PABPC1: variants seen among roughly 807,000 people sequenced by gnomAD.
PABPC1 encodes poly(A) binding protein cytoplasmic 1.
A neutral mutation model predicts 74.0 loss-of-function variants in PABPC1; 4 were observed. That is an observed-to-expected ratio of 0.05 (90% CI 0.03 to 0.12). The LOEUF is 0.12. Ranked by LOEUF, PABPC1 falls within the 10% of genes least tolerant of loss-of-function variation. PABPC1 has a pLI of 1.00. For missense variants in PABPC1, 271 were observed against 821.1 expected, an observed-to-expected ratio of 0.33 and a Z score of 8.19; for synonymous variants, 227 against 264.1, an observed-to-expected ratio of 0.86 and a Z score of 1.36.
At chr8:100,719,565 C>A (rs73700220) in intron 1 of PABPC1, among the ~76,000 whole-genome samples, 1 of 152,034 alleles carries the variant, frequency 6.6e-6, no homozygotes, top group African/African-American at 2.4e-5. Context: ...ATTGTACATA[C>A]AGAAACTAGA....
chr8:100,704,877 C>G (rs1392101252), intron 13 of PABPC1, 49 bp downstream of exon 13: 1 of 1,596,478 alleles, frequency 6.3e-7, no homozygotes. Context: ...CCATAAAAAG[C>G]CACGTAATAA....
intron 7 of PABPC1, among the ~76,000 whole-genome samples, chr8:100,711,759 C>T (rs1041920548): frequency 3.9e-5 from 6 of 152,182 alleles, no homozygotes; most frequent in East Asian, 1.9e-4. Flanking sequence ...TCAGCCACAG[C>T]GTCATTCCAG....
Position 100,705,552 on chromosome 8 carries a change from T to C in PABPC1, c.1687+37A>G, listed in dbSNP as rs1194356296. Reference sequence around the variant, plus strand: ...CCTAAGTGATTCCTATATTTTCTAGTCTTTCTGAACTGACAAGGTGGGACA... The same window carrying C: ...CCTAAGTGATTCCTATATTTTCTAGCCTTTCTGAACTGACAAGGTGGGACA... On this transcript the variant is annotated intron_variant, in intron 12 of 14. Transcript: ENST00000318607. 3.9e-6 allele frequency: 5 copies of C among 1,286,868 alleles called. No individual in the cohort carries two copies. In the Admixed American group the frequency reaches 8.6e-5, roughly 22 times the overall value. The allele number at this position is 1,286,868 out of a possible 1,614,324, so 79.7% of individuals were successfully genotyped here.
chr8:100,718,322 T>C (rs747469080), intron 1 of PABPC1, 42 bp from the exon 2 acceptor site: 2 of 1,535,942 alleles, frequency 1.3e-6, no homozygotes, highest in East Asian at 2.3e-5. Context: ...ACTTCAAAAT[T>C]TTTGCTGGCT....
chr8:100,715,842 G>A (rs1810655544), intron 3 of PABPC1, among the ~76,000 whole-genome samples: 1 of 151,800 alleles, frequency 6.6e-6, no homozygotes, highest in African/African-American at 2.4e-5. Context: ...CTCTTCTCTA[G>A]CTAACCTAGG....
rs1019531225 is a variant in PABPC1, at chr8:100,709,289, A to G, written c.1246-66T>C. ...AAAAGCAAATAATGCAATAAATTATATGTACTTTTTCAAAACATTTACCAG... is the reference window on the plus strand; with the variant it reads ...AAAAGCAAATAATGCAATAAATTATGTGTACTTTTTCAAAACATTTACCAG... On this transcript the variant is annotated intron_variant, in intron 8 of 14. Transcript: ENST00000318607. 2.2e-5 allele frequency: 33 copies of G among 1,501,646 alleles called. No individual in the cohort carries two copies. The East Asian group carries it at 7.5e-4, about 34-fold the overall frequency. The allele number at this position is 1,501,646 out of a possible 1,614,324, so 93.0% of individuals were successfully genotyped here.
rs7829465 is a variant in PABPC1 at position 100,712,866 on chromosome 8, A to G, written c.739-77T>C. On this transcript the variant is annotated intron_variant, in intron 5 of 14. Coordinates refer to ENST00000318607, the MANE Select transcript of PABPC1 (RefSeq NM_002568.4). Reference sequence around the variant, plus strand: ...AGTTCATTTCCTTAACAGTTAAGACAAATTTGTTAAGTCACAAAAGCTAAA... The same window carrying G: ...AGTTCATTTCCTTAACAGTTAAGACGAATTTGTTAAGTCACAAAAGCTAAA... The G allele has an allele frequency of 9.7e-3, 14,115 of 1,451,306 alleles. 1,058 individuals are homozygous for G. The African/African-American group carries it at 0.17, about 18-fold the overall frequency. The allele number at this position is 1,451,306 out of a possible 1,614,324, so 89.9% of individuals were successfully genotyped here. A position where few individuals can be genotyped will look rare whatever the true frequency, so the allele number is the denominator to read the frequency against.
chr8:100,709,404 T>A (rs1318855671), intron 8 of PABPC1, 55 bp downstream of exon 8: 8 of 1,601,368 alleles, frequency 5.0e-6, no homozygotes, highest in Non-Finnish European at 6.8e-6. Flanking sequence ...CAAAAAACAC[T>A]AGAAATGACC....
At chr8:100,705,739 C>T in intron 11 of PABPC1, 66 bp from the exon 12 acceptor site, 1 of 984,646 alleles carries the variant, frequency 1.0e-6, no homozygotes, top group South Asian at 1.4e-5. Flanking sequence ...AAATAGTCAT[C>T]AATGGACATC....
intron 7 of PABPC1, among the ~76,000 whole-genome samples, chr8:100,711,679 CT>C (rs1810530867): frequency 6.6e-6 from 1 of 152,386 alleles, no homozygotes; most frequent in South Asian, 2.1e-4. Context: ...ATTCAACCAC[CT>C]TTCCCCTAAC....
At chr8:100,720,490 G>A (rs781662738) in intron 1 of PABPC1, among the ~76,000 whole-genome samples, 1 of 152,120 alleles carries the variant, frequency 6.6e-6, no homozygotes, top group Non-Finnish European at 1.5e-5. Flanking sequence ...TTACACTAAA[G>A]TAACATTTTA....
At chr8:100,718,682 G>A (rs1275630216) in intron 1 of PABPC1, among the ~76,000 whole-genome samples, 1 of 152,192 alleles carries the variant, frequency 6.6e-6, no homozygotes, top group Non-Finnish European at 1.5e-5. Context: ...TCTACAAGCT[G>A]GAAGTAGTTT....
At chr8:100,710,188 TTAAAA>T (rs1416960986) in intron 7 of PABPC1, among the ~76,000 whole-genome samples, 2 of 152,168 alleles carry the variant, frequency 1.3e-5, no homozygotes, top group African/African-American at 4.8e-5. Flanking sequence ...TACCCACATC[TTAAAA>T]TAAAAGTTTT....
Position 100,718,660 on chromosome 8 carries a change from G to A in PABPC1, c.194-380C>T, listed in dbSNP as rs886106602. 5.9e-5 allele frequency among the ~76,000 whole-genome samples: 9 copies of A among 151,940 alleles called. No individual in the cohort carries two copies. In the East Asian group the frequency reaches 1.5e-3, roughly 26 times the overall value. ...TAATAAGCAGTATAAAAGACATTAC[G>A]CAACAGATTTATCTACAAGCTGGAA... On this transcript the variant is annotated intron_variant, in intron 1 of 14. Transcript: ENST00000318607.
Position 100,717,754 on chromosome 8 carries a change from CTAGA to C in PABPC1, c.503+15_503+18del, listed in dbSNP as rs1351720248. The stretch of plus-strand genomic sequence containing the variant: ...AAAATAAGATTCAAAATATGATTAG[CTAGA>C]TATTTATAACTTACACTTTGCGATC... On this transcript the variant is annotated intron_variant, in intron 3 of 14. Coordinates refer to ENST00000318607, the MANE Select transcript of PABPC1 (RefSeq NM_002568.4). 4 of 1,324,176 alleles carry C rather than the reference CTAGA, an allele frequency of 3.0e-6. No homozygotes were observed. Among genetic ancestry groups the C allele is most frequent in the Non-Finnish European group, 3.2e-6 (3 of 924,278 alleles). 82.0% of individuals were successfully genotyped at this position (1,324,176 alleles called of 1,614,324 possible). A position where few individuals can be genotyped will look rare whatever the true frequency, so the allele number is the denominator to read the frequency against.
At chr8:100,718,785 A>G (rs1810738000) in intron 1 of PABPC1, among the ~76,000 whole-genome samples, 1 of 152,190 alleles carries the variant, frequency 6.6e-6, no homozygotes, top group African/African-American at 2.4e-5. Flanking sequence ...AAACTAGTCC[A>G]TTTCCTAAAA....
intron 4 of PABPC1, among the ~76,000 whole-genome samples, chr8:100,714,619 T>C (rs1810618057): frequency 6.6e-6 from 1 of 152,008 alleles, no homozygotes; most frequent in Admixed American, 6.6e-5. Flanking sequence ...TAATCCCAGC[T>C]ACTCAAGGTA....
intron 9 of PABPC1, among the ~76,000 whole-genome samples, chr8:100,708,343 C>T (rs939189649): frequency 6.6e-6 from 1 of 152,094 alleles, no homozygotes; most frequent in Non-Finnish European, 1.5e-5. Context: ...GTAGTCCCAG[C>T]TACTTGGGAG....
At chr8:100,720,691 G>A (rs753307940) in intron 1 of PABPC1, among the ~76,000 whole-genome samples, 1 of 152,158 alleles carries the variant, frequency 6.6e-6, no homozygotes, top group Non-Finnish European at 1.5e-5. Context: ...CTCCCACTCT[G>A]CCCTTTTAAT....
Sources: allele counts gnomAD v4.1 joint callset (sites outside exome capture counted in the v4.1 genomes callset), GRCh38; gene constraint gnomAD v4.1.1; transcripts MANE v1.5; gene names NCBI Gene and HGNC (gene_info 2026-07-23, HGNC 2026-07-21).